Variants in AKAP19 observed in about 807,000 individuals in gnomAD.
AKAP19 encodes the protein small A-kinase anchoring protein.
the AKAP19 span, chr2:190,201,862 T>G: frequency 6.0e-6 from 1 of 167,036 alleles, no homozygotes; most frequent in Non-Finnish European, 1.5e-5. Context: ...TTCCAGGTCA[T>G]GAAGAGTAGT....
chr2:190,024,060 G>C, the AKAP19 span, among the ~76,000 whole-genome samples: 4 of 151,746 alleles, frequency 2.6e-5, no homozygotes, highest in African/African-American at 9.7e-5. Context: ...GGGGGCAGTA[G>C]ATGCAATAGT....
chr2:190,031,822 A>T, the AKAP19 span, among the ~76,000 whole-genome samples: 2 of 152,218 alleles, frequency 1.3e-5, no homozygotes, highest in African/African-American at 4.8e-5. Context: ...ATTTATGCTT[A>T]GTAAATTGGA....
chr2:189,935,308 AG>A, the AKAP19 span, among the ~76,000 whole-genome samples: 30,285 of 151,930 alleles, frequency 0.2, 3,055 homozygotes, highest in Middle Eastern at 0.27. Context: ...GTGTGCAAAA[AG>A]ATACAAAGTG....
the AKAP19 span, among the ~76,000 whole-genome samples, chr2:190,121,888 G>GT: frequency 2.2e-4 from 34 of 152,064 alleles, no homozygotes; most frequent in Admixed American, 1.3e-4. Flanking sequence ...TTGTTTTTGT[G>GT]TTTTTTTGTT....
At chr2:189,976,569 C>G in the AKAP19 span, among the ~76,000 whole-genome samples, 1 of 152,240 alleles carries the variant, frequency 6.6e-6, no homozygotes, top group African/African-American at 2.4e-5. Flanking sequence ...TCTCCTGCCC[C>G]CTGAGGTGGA....
At chr2:189,906,823 G>A in the AKAP19 span, among the ~76,000 whole-genome samples, 1 of 151,984 alleles carries the variant, frequency 6.6e-6, no homozygotes, top group Non-Finnish European at 1.5e-5. Context: ...ACCAAGAAAA[G>A]TATTTGCCTG....
the AKAP19 span, among the ~76,000 whole-genome samples, chr2:189,951,249 T>C: frequency 7.4e-6 from 1 of 135,040 alleles, no homozygotes; most frequent in Non-Finnish European, 1.5e-5. Context: ...TCCCCCAGGC[T>C]GGAGTGCAAT....
At chr2:190,140,225 CT>C in the AKAP19 span, among the ~76,000 whole-genome samples, 1 of 152,294 alleles carries the variant, frequency 6.6e-6, no homozygotes, top group African/African-American at 2.4e-5. Flanking sequence ...CTCCTGGCTG[CT>C]TTCATGGGCT....
the AKAP19 span, among the ~76,000 whole-genome samples, chr2:190,078,471 T>C: frequency 6.6e-6 from 1 of 152,192 alleles, no homozygotes; most frequent in African/African-American, 2.4e-5. Flanking sequence ...AAAATGGCTT[T>C]CTTCTTACCT....
chr2:190,026,578 G>C, the AKAP19 span, among the ~76,000 whole-genome samples: 1 of 152,182 alleles, frequency 6.6e-6, no homozygotes, highest in African/African-American at 2.4e-5. Flanking sequence ...CTGCTTTGCA[G>C]CTACCAAAAG....
At chr2:189,940,604 A>T in the AKAP19 span, among the ~76,000 whole-genome samples, 1,614 of 152,160 alleles carry the variant, frequency 0.011, 14 homozygotes, top group Non-Finnish European at 0.015. Flanking sequence ...AAACACTCAC[A>T]GGAAATTTTC....
the AKAP19 span, among the ~76,000 whole-genome samples, chr2:190,010,378 A>G: frequency 1.3e-5 from 2 of 152,318 alleles, no homozygotes; most frequent in Admixed American, 6.5e-5. Flanking sequence ...AGGAGGTGCT[A>G]TGACTTGAGA....
chr2:189,896,651 CATAAT>C, the AKAP19 span, among the ~76,000 whole-genome samples: 37 of 152,120 alleles, frequency 2.4e-4, no homozygotes, highest in Non-Finnish European at 4.4e-4. Context: ...AGGGAGAAAA[CATAAT>C]ATGAATGACT....
chr2:190,185,284 T>C, the AKAP19 span, among the ~76,000 whole-genome samples: 1 of 152,196 alleles, frequency 6.6e-6, no homozygotes, highest in African/African-American at 2.4e-5. Context: ...CCCTCTTAGG[T>C]TTGTGACCAA....
the AKAP19 span, among the ~76,000 whole-genome samples, chr2:190,185,147 T>C: frequency 1.3e-5 from 2 of 152,216 alleles, no homozygotes; most frequent in Admixed American, 6.5e-5. Flanking sequence ...TAGAATTTAA[T>C]TCAGTGCACA....
At chr2:189,905,068 T>G in the AKAP19 span, among the ~76,000 whole-genome samples, 1 of 151,930 alleles carries the variant, frequency 6.6e-6, no homozygotes, top group South Asian at 2.1e-4. Context: ...ATAAGTAAGA[T>G]TTACAAATAA....
chr2:190,138,849 C>T, the AKAP19 span, among the ~76,000 whole-genome samples: 1 of 152,088 alleles, frequency 6.6e-6, no homozygotes, highest in Non-Finnish European at 1.5e-5. Flanking sequence ...ATTTGGGAGA[C>T]AATATAGGAC....
At chr2:190,048,804 C>T in the AKAP19 span, among the ~76,000 whole-genome samples, 8 of 152,034 alleles carry the variant, frequency 5.3e-5, no homozygotes, top group Non-Finnish European at 1.0e-4. Flanking sequence ...CATTTTATAT[C>T]AGCAGGGAAA....
the AKAP19 span, among the ~76,000 whole-genome samples, chr2:190,017,136 T>G: frequency 6.6e-6 from 1 of 152,088 alleles, no homozygotes; most frequent in Non-Finnish European, 1.5e-5. Context: ...CTTATAATAT[T>G]TTTTTCCTAT....
Sources: gnomAD v4.1 joint callset for allele counts (sites outside exome capture counted in the v4.1 genomes callset) on GRCh38, gnomAD v4.1.1 for gene constraint, MANE v1.5 for transcripts, NCBI Gene and HGNC (gene_info 2026-07-23, HGNC 2026-07-21) for gene names.